The following SLC16A5 variants were observed in gnomAD, a reference collection of about 807,000 sequenced individuals.
The protein encoded by SLC16A5 is monocarboxylate transporter 6.
Under a neutral mutation model 33.2 loss-of-function variants are expected in SLC16A5, and 29 were observed. The ratio of observed to expected loss-of-function variants is 0.87; its 90% CI spans 0.65 to 1.19. The LOEUF (loss-of-function observed/expected upper bound fraction) is 1.19, where lower values mean the gene tolerates loss of function less well. Ranked by LOEUF, SLC16A5 falls within the 50% of genes most tolerant of loss-of-function variation. The pLI, the probability that SLC16A5 is intolerant of heterozygous loss-of-function variation, is 0.00. For synonymous variants in SLC16A5, 248 were observed against 284.1 expected (o/e 0.87, Z 1.28); for missense variants, 606 against 678.2 (o/e 0.89, Z 1.18).
chr17:75,099,905 C>A, intron 4 of SLC16A5, 102 bp from the exon 5 acceptor site: 1 of 1,117,388 alleles, frequency 8.9e-7, no homozygotes, highest in Non-Finnish European at 1.3e-6. Flanking sequence ...TGGACTAGAA[C>A]CAGAGGAGGG....
At position 75,093,653 on chromosome 17, in the gene SLC16A5, A is replaced by T; in HGVS notation, c.17A>T (p.Glu6Val). 6.2e-7 allele frequency: 1 copy of T among 1,612,240 alleles called. No individual in the cohort carries two copies. The highest frequency in any genetic ancestry group is 8.5e-7 in the Non-Finnish European group (1 of 1,179,936). Residue 6 changes from glutamate (E) to valine (V), a missense_variant, in exon 3 of 7, where the codon GAG becomes GTG. Transcript: ENST00000329783. MPQAL[E>V]RADGSWAWVV... ...CAGCAGAGGATGCCCCAGGCCCTGG[A>T]GCGTGCAGATGGCAGCTGGGCCTGG...
Position 75,093,811 on chromosome 17 carries a change from C to G in SLC16A5, c.175C>G (p.Leu59Val). 2.5e-6 allele frequency: 4 copies of G among 1,614,138 alleles called. No individual in the cohort carries two copies. The highest frequency in any genetic ancestry group is 3.4e-6 in the Non-Finnish European group (4 of 1,179,978). Residue 59 changes from leucine (L) to valine (V), a missense_variant, in exon 3 of 7, where the codon CTC (leucine) becomes GTC (valine). Transcript: ENST00000329783. ...CGAGACCTCTTGGTTCCCCTCCATC[C>G]TCACGGCTGTGCTCCACATGGCAGG... Reference protein sequence around the residue: ...NSETSWFPSILTAVLHMAGPL... With the variant: ...NSETSWFPSIVTAVLHMAGPL...
Position 75,104,027 on chromosome 17 carries a change from T to C in SLC16A5, c.1211T>C (p.Phe404Ser), listed in dbSNP as rs1313086702. 6.2e-7 allele frequency: 1 copy of C among 1,614,214 alleles called. No individual in the cohort carries two copies. Among genetic ancestry groups the C allele is most frequent in the Admixed American group, 1.7e-5 (1 of 60,020 alleles). ...FSYVFYMSSF[F>S]LISAALFMGG... ...TATGTTTTCTACATGTCCAGCTTCT[T>C]CCTCATCTCAGCTGCCCTCTTCATG... The change falls in exon 6 of 7, where the codon TTC (phenylalanine) becomes TCC (serine). Residue 404 changes from phenylalanine to serine, a missense_variant. Coordinates refer to ENST00000329783, the MANE Select transcript of SLC16A5 (RefSeq NM_004695.4).
intron 3 of SLC16A5, among the ~76,000 whole-genome samples, chr17:75,096,117 A>C (rs1248672171): frequency 6.6e-6 from 1 of 151,822 alleles, no homozygotes; most frequent in African/African-American, 2.4e-5. Context: ...AGTATTGTAG[A>C]AATTTTTAAA....
At chr17:75,104,290 C>A in intron 6 of SLC16A5, 110 bp downstream of exon 6, 1 of 1,511,890 alleles carries the variant, frequency 6.6e-7, no homozygotes, top group South Asian at 1.3e-5. Context: ...GGACCTCTAG[C>A]TCCTTCACCA....
In SLC16A5 at chr17:75,097,272, G is replaced by T. The variant is rs538508291; in HGVS notation, c.200-766G>T. Among the ~76,000 whole-genome samples the T allele has an allele frequency of 2.6e-5, 4 of 152,230 alleles. No individual in the cohort carries two copies. The East Asian group carries it at 5.8e-4, about 22-fold the overall frequency. Reference sequence around the variant, plus strand: ...AGTTAGAGAAGCTCCACATGTGCTTGGGTGAATGGGGCCCCTGTGAGGTGC... The same window carrying T: ...AGTTAGAGAAGCTCCACATGTGCTTTGGTGAATGGGGCCCCTGTGAGGTGC... On this transcript the variant is annotated intron_variant, in intron 3 of 6. Coordinates refer to ENST00000329783, the MANE Select transcript of SLC16A5 (RefSeq NM_004695.4).
chr17:75,099,953 G>A, intron 4 of SLC16A5, 54 bp from the exon 5 acceptor site: 1 of 1,520,760 alleles, frequency 6.6e-7, no homozygotes, highest in Non-Finnish European at 8.9e-7. Context: ...ACCCCTGGGT[G>A]CAGGTGGAAG....
intron 2 of SLC16A5, among the ~76,000 whole-genome samples, chr17:75,089,697 TG>T (rs1338137289): frequency 4.2e-5 from 6 of 143,452 alleles, no homozygotes; most frequent in Admixed American, 2.2e-4. Context: ...GAGATTGCAG[TG>T]AGCTGAGATT....
In SLC16A5 at chr17:75,097,912, C is replaced by G; in HGVS notation, c.200-126C>G. 4.5e-6 allele frequency: 5 copies of G among 1,108,932 alleles called. No individual in the cohort carries two copies. The South Asian group carries it at 5.0e-5, about 11-fold the overall frequency. The allele number at this position is 1,108,932 out of a possible 1,614,324, so 68.7% of individuals were successfully genotyped here. A position where few individuals can be genotyped will look rare whatever the true frequency, so the allele number is the denominator to read the frequency against. On this transcript the variant is annotated intron_variant, in intron 3 of 6. Transcript: ENST00000329783. The stretch of plus-strand genomic sequence containing the variant: ...GTCCATGGCAGGTGGGTATCAGAAT[C>G]CAGGCCTGCTCGTGCCCTTGAAACC...
At chr17:75,108,950 G>A (rs1471513789), downstream of SLC16A5, among the ~76,000 whole-genome samples, 1 of 152,110 alleles carries the variant, frequency 6.6e-6, no homozygotes, top group East Asian at 1.9e-4. Flanking sequence ...GGCTGTGTCC[G>A]GGTTTTTTTG....
At position 75,096,378 on chromosome 17, in the gene SLC16A5, AAGTC is replaced by A. The variant is rs1007163991; in HGVS notation, c.200-1657_200-1654del. Among the ~76,000 whole-genome samples the A allele has an allele frequency of 5.6e-4, 76 of 136,236 alleles. 3 individuals are homozygous for A. Among genetic ancestry groups the A allele is most frequent in the African/African-American group, 2.2e-3 (76 of 34,702 alleles). 89.4% of individuals were successfully genotyped at this position (136,236 alleles called of 152,430 possible). ...GGCTTTCCCCAATGTCAACTTCCCT[AAGTC>A]AGGCCAGAGTCTCTGGCGTGAGGAA... On this transcript the variant is annotated intron_variant, in intron 3 of 6. Transcript: ENST00000329783.
chr17:75,088,427 A>G (rs997701404), intron 1 of SLC16A5, among the ~76,000 whole-genome samples: 5 of 152,130 alleles, frequency 3.3e-5, no homozygotes, highest in Admixed American at 3.3e-4. Flanking sequence ...GCCTGTCCCA[A>G]ACCCTTGCTG....
chr17:75,093,600 A>G lies in SLC16A5; in HGVS notation c.-37A>G. On this transcript the variant is annotated 5_prime_UTR_variant, in exon 3 of 7. Coordinates refer to ENST00000329783, the MANE Select transcript of SLC16A5 (RefSeq NM_004695.4). ...TGTCCCCTCCCCAGGCAGCAGCCAC[A>G]TTGGCAGTGAGGCCGTGGCAGCGTC... The G allele has an allele frequency of 6.3e-7, 1 of 1,591,370 alleles. No individual in the cohort carries two copies. The highest frequency in any genetic ancestry group is 8.5e-7 in the Non-Finnish European group (1 of 1,173,134).
chr17:75,105,500 G>T (rs2073851845), intron 6 of SLC16A5: 2 of 985,224 alleles, frequency 2.0e-6, no homozygotes, highest in African/African-American at 1.7e-5. Context: ...TAAGTGGCTG[G>T]CTGGACTCAC....
At chr17:75,089,588 T>C (rs562625878) in intron 2 of SLC16A5, among the ~76,000 whole-genome samples, 1 of 151,888 alleles carries the variant, frequency 6.6e-6, no homozygotes, top group South Asian at 2.1e-4. Context: ...ACCCCGTCTC[T>C]ACTAAAAATA....
intron 3 of SLC16A5, among the ~76,000 whole-genome samples, chr17:75,097,156 C>T (rs1311417293): frequency 2.6e-5 from 4 of 152,098 alleles, no homozygotes; most frequent in African/African-American, 9.7e-5. Context: ...CACACTGGCT[C>T]ACACCACACA....
At chr17:75,088,424 C>A (rs1211060878) in intron 1 of SLC16A5, among the ~76,000 whole-genome samples, 1 of 152,176 alleles carries the variant, frequency 6.6e-6, no homozygotes, top group Non-Finnish European at 1.5e-5. Context: ...GTTGCCTGTC[C>A]CAAACCCTTG....
At chr17:75,103,141 G>A (rs931184002) in intron 5 of SLC16A5, among the ~76,000 whole-genome samples, 3 of 151,376 alleles carry the variant, frequency 2.0e-5, no homozygotes, top group Non-Finnish European at 3.0e-5. Flanking sequence ...TGCCGGCCTC[G>A]GCCTCCCAGA....
At chr17:75,105,789 G>T in intron 6 of SLC16A5, 91 bp from the exon 7 acceptor site, 1 of 1,442,626 alleles carries the variant, frequency 6.9e-7, no homozygotes. Flanking sequence ...GCTCAGCAAG[G>T]GGTGCTCAGG....
Sources: allele counts gnomAD v4.1 joint callset (sites outside exome capture counted in the v4.1 genomes callset), GRCh38; gene constraint gnomAD v4.1.1; transcripts MANE v1.5; gene names NCBI Gene and HGNC (gene_info 2026-07-23, HGNC 2026-07-21).